Variants in TRIM9 observed in about 807,000 individuals in gnomAD.
TRIM9 encodes E3 ubiquitin-protein ligase TRIM9.
In TRIM9, 26 loss-of-function variants were observed where a neutral mutation model predicts 78.3. The ratio of observed to expected loss-of-function variants is 0.33; its 90% confidence interval spans 0.24 to 0.46. The LOEUF (loss-of-function observed/expected upper bound fraction) is 0.46, where lower values mean the gene tolerates loss of function less well. TRIM9 is among the 20% of genes least tolerant of loss of function. The probability of loss-of-function intolerance (pLI) is 1.00; values close to 1 mark genes in which losing one functional copy is unlikely to be tolerated. For missense variants in TRIM9, 787 were observed against 1,036.4 expected (o/e 0.76, Z 3.30); for synonymous variants, 398 against 416.5 (o/e 0.96, Z 0.54).
intron 8 of TRIM9, 31 bp from the exon 9 acceptor site, chr14:50,983,452 G>C (rs751265486): frequency 6.6e-7 from 1 of 1,510,238 alleles, no homozygotes; most frequent in African/African-American, 1.4e-5. Context: ...TCAACGCTAT[G>C]AAACAACAAC....
chr14:50,992,358 G>A (rs534296435), intron 7 of TRIM9, among the ~76,000 whole-genome samples: 23 of 152,074 alleles, frequency 1.5e-4, no homozygotes, highest in Admixed American at 1.0e-3. Flanking sequence ...CATGAGGATC[G>A]CTTGAGGCCG....
At chr14:51,019,413 C>G (rs2057533695) in intron 3 of TRIM9, among the ~76,000 whole-genome samples, 1 of 152,216 alleles carries the variant, frequency 6.6e-6, no homozygotes, top group Admixed American at 6.5e-5. Flanking sequence ...ACATTTCAAA[C>G]AGTTTCCCTC....
intron 7 of TRIM9, among the ~76,000 whole-genome samples, chr14:50,990,326 C>T (rs901840935): frequency 1.3e-5 from 2 of 152,122 alleles, no homozygotes; most frequent in African/African-American, 4.8e-5. Flanking sequence ...CCATATATTT[C>T]TTTTATTTGT....
intron 1 of TRIM9, among the ~76,000 whole-genome samples, chr14:51,029,481 T>A (rs1219876656): frequency 6.6e-6 from 1 of 152,176 alleles, no homozygotes; most frequent in Non-Finnish European, 1.5e-5. Context: ...AAAAAAGTGA[T>A]CATTGATGCA....
chr14:51,041,975 C>T (rs2059612820), intron 1 of TRIM9, among the ~76,000 whole-genome samples: 1 of 152,146 alleles, frequency 6.6e-6, no homozygotes, highest in Non-Finnish European at 1.5e-5. Context: ...TTCTTCAGAA[C>T]AATGTGGCTC....
intron 1 of TRIM9, among the ~76,000 whole-genome samples, chr14:51,040,065 G>A (rs553276796): frequency 5.9e-4 from 90 of 152,314 alleles, no homozygotes; most frequent in African/African-American, 1.1e-3. Flanking sequence ...TTACAGGCGT[G>A]AGCCATTGCA....
intron 7 of TRIM9, among the ~76,000 whole-genome samples, chr14:50,990,114 C>T (rs966528023): frequency 2.6e-5 from 4 of 152,162 alleles, no homozygotes; most frequent in Non-Finnish European, 4.4e-5. Context: ...AACTCCTGGG[C>T]TCAAGGGATC....
chr14:51,051,676 G>A (rs2060435492), intron 1 of TRIM9, among the ~76,000 whole-genome samples: 2 of 152,122 alleles, frequency 1.3e-5, no homozygotes, highest in South Asian at 4.2e-4. Flanking sequence ...CAAAGAAAAA[G>A]ATGGAATAGG....
chr14:51,083,194 A>G (rs1453038995), intron 1 of TRIM9, among the ~76,000 whole-genome samples: 2 of 152,170 alleles, frequency 1.3e-5, no homozygotes, highest in Admixed American at 6.5e-5. Context: ...GTTTTCTAAT[A>G]CTTTTTGAAA....
intron 1 of TRIM9, among the ~76,000 whole-genome samples, chr14:51,086,452 C>T (rs55696069): frequency 0.35 from 53,607 of 152,088 alleles, 9,792 homozygotes; most frequent in Admixed American, 0.42. Flanking sequence ...TGATTACTGT[C>T]AGGCTAATTT....
chr14:50,997,104 G>A, intron 7 of TRIM9: 1 of 985,350 alleles, frequency 1.0e-6, no homozygotes, highest in Non-Finnish European at 1.2e-6. Context: ...CGGTGAGGTG[G>A]GGGGGTGATT....
chr14:51,085,015 TCTGCAAC>T (rs1407174322), intron 1 of TRIM9, among the ~76,000 whole-genome samples: 6 of 152,222 alleles, frequency 3.9e-5, no homozygotes, highest in African/African-American at 1.4e-4. Flanking sequence ...TTTACTCCTC[TCTGCAAC>T]CTGCTTTGTT....
chr14:51,037,820 C>A (rs543705875), intron 1 of TRIM9, among the ~76,000 whole-genome samples: 64 of 152,166 alleles, frequency 4.2e-4, no homozygotes, highest in Admixed American at 9.8e-4. Flanking sequence ...GCGTTACCAT[C>A]TATTCCTTAG....
intron 1 of TRIM9, among the ~76,000 whole-genome samples, chr14:51,027,194 A>C (rs1317886526): frequency 1.5e-5 from 2 of 132,006 alleles, no homozygotes; most frequent in Admixed American, 1.9e-4. Context: ...CCCAGGCTGA[A>C]GTGCAATGGT....
chr14:50,985,925 C>A, intron 8 of TRIM9, 31 bp downstream of exon 8: 1 of 1,444,466 alleles, frequency 6.9e-7, no homozygotes, highest in Non-Finnish European at 9.1e-7. Flanking sequence ...GCACAGAGAT[C>A]AAGGGGAAAG....
chr14:51,029,146 T>C (rs2058509488), intron 1 of TRIM9, among the ~76,000 whole-genome samples: 1 of 152,172 alleles, frequency 6.6e-6, no homozygotes, highest in Non-Finnish European at 1.5e-5. Flanking sequence ...CACGTGGCCT[T>C]TTCCCCTCAA....
At chr14:51,017,347 G>C (rs2096614540) in intron 3 of TRIM9, among the ~76,000 whole-genome samples, 1 of 152,116 alleles carries the variant, frequency 6.6e-6, no homozygotes, top group Non-Finnish European at 1.5e-5. Context: ...GGATCATTTA[G>C]GCCTTTAAAT....
chr14:51,038,004 C>T (rs1452420233), intron 1 of TRIM9, among the ~76,000 whole-genome samples: 2 of 152,214 alleles, frequency 1.3e-5, no homozygotes, highest in East Asian at 1.9e-4. Flanking sequence ...CATGTGAATT[C>T]TGCTTCTTGA....
intron 1 of TRIM9, among the ~76,000 whole-genome samples, chr14:51,093,786 T>C (rs1233795366): frequency 6.6e-6 from 1 of 152,148 alleles, no homozygotes; most frequent in East Asian, 1.9e-4. Flanking sequence ...TACCCAGCTA[T>C]GCAGTGCTTT....
Sources: gnomAD v4.1 joint callset for allele counts (sites outside exome capture counted in the v4.1 genomes callset) on GRCh38, gnomAD v4.1.1 for gene constraint, MANE v1.5 for transcripts, NCBI Gene and HGNC (gene_info 2026-07-23, HGNC 2026-07-21) for gene names.